The following ZNF197 variants were observed in gnomAD, a reference collection of about 807,000 sequenced individuals.
The protein encoded by ZNF197 is zinc finger protein 197.
A neutral mutation model predicts 27.4 loss-of-function variants in ZNF197; 14 were observed. The observed-to-expected ratio is 0.51, with a 90% CI of 0.34 to 0.80. The LOEUF (loss-of-function observed/expected upper bound fraction) is 0.80. Ranked by LOEUF, ZNF197 falls within the 30% of genes least tolerant of loss-of-function variation. ZNF197 has a pLI of 0.02. For missense variants in ZNF197, 1,090 were observed against 1,222.6 expected, an observed-to-expected ratio of 0.89 and a Z score of 1.62; for synonymous variants, 415 against 420.0, an observed-to-expected ratio of 0.99 and a Z score of 0.15.
chr3:44,625,114 G>C lies in ZNF197; in HGVS notation c.-111G>C, dbSNP rs13100959. On this transcript the variant is annotated 5_prime_UTR_variant, in exon 1 of 6. Coordinates refer to ENST00000344387, the MANE Select transcript of ZNF197 (RefSeq NM_006991.5). ...CGGCCTGGCGCCGAGGCGGCGGTAC[G>C]CAAGGCTGGAGCCGCAGCGGGAGCC... 0.29 allele frequency: 44,783 copies of C among 152,170 alleles called. 7,163 individuals are homozygous for C. The highest frequency in any genetic ancestry group is 0.34 in the African/African-American group (14,050 of 41,496). The allele number at this position is 152,170 out of a possible 1,614,324, so 9.4% of individuals were successfully genotyped here. A position where few individuals can be genotyped will look rare whatever the true frequency, so the allele number is the denominator to read the frequency against.
In ZNF197 at chr3:44,645,651, G is replaced by T. The variant is rs569721221; in HGVS notation, c.*1431G>T. Reference sequence around the variant, plus strand: ...AAAATCCTTGACCCGCAGTTGAGCTGATGATCCCTGCCACAGTCATTGTGA... The same window carrying T: ...AAAATCCTTGACCCGCAGTTGAGCTTATGATCCCTGCCACAGTCATTGTGA... On this transcript the variant is annotated 3_prime_UTR_variant, in exon 6 of 6. Transcript: ENST00000344387. 2.7e-4 allele frequency: 267 copies of T among 985,402 alleles called. 3 individuals are homozygous for T. In the South Asian group the frequency reaches 0.011, roughly 41 times the overall value. 61.0% of individuals were successfully genotyped at this position (985,402 alleles called of 1,614,324 possible). A position where few individuals can be genotyped will look rare whatever the true frequency, so the allele number is the denominator to read the frequency against.
rs1386219752 is a variant in ZNF197 at position 44,640,338 on chromosome 3, C to G, written c.770-1562C>G. 6.6e-6 allele frequency among the ~76,000 whole-genome samples: 1 copy of G among 152,112 alleles called. No homozygotes were observed. Among genetic ancestry groups the G allele is most frequent in the Non-Finnish European group, 1.5e-5 (1 of 68,028 alleles). On this transcript the variant is annotated intron_variant, in intron 5 of 5. Coordinates refer to ENST00000344387, the MANE Select transcript of ZNF197 (RefSeq NM_006991.5). This position sits in a 1 kb window ranked among gnomAD's most constrained non-coding sequence, Gnocchi z 4.0. The stretch of plus-strand genomic sequence containing the variant: ...GAAATGTTTCATTATATAGAAGCAG[C>G]CCTCCTCTCCATCAGCATTCTCTTT...
At chr3:44,632,416 C>A in intron 4 of ZNF197, 57 bp from the exon 5 acceptor site, 1 of 1,544,546 alleles carries the variant, frequency 6.5e-7, no homozygotes, top group African/African-American at 1.4e-5. Flanking sequence ...GTGAAGGGAA[C>A]CTTTCGACAG....
chr3:44,642,731 G>C lies in ZNF197; in HGVS notation c.1601G>C (p.Gly534Ala), dbSNP rs775212401. The C allele has an allele frequency of 6.2e-7, 1 of 1,613,762 alleles. No homozygotes were observed. The highest frequency in any genetic ancestry group is 1.1e-5 in the South Asian group (1 of 91,066). Residue 534 changes from glycine (G) to alanine (A), a missense_variant, in exon 6 of 6, where the codon GGG (glycine) becomes GCG (alanine). Physicochemically the swap from Gly to Ala is moderately conservative, Grantham distance 60 (BLOSUM62 0). Transcript: ENST00000344387. ...ATTCTGCACCAGAGAATCCACTCTG[G>C]GGAAAAACCCTATAAATGTGATGAA... ...SLILHQRIHS[G>A]EKPYKCDECG... is the part of the protein sequence containing the mutation.
intron 2 of ZNF197, among the ~76,000 whole-genome samples, chr3:44,630,544 A>G (rs1034258860): frequency 7.9e-5 from 12 of 152,192 alleles, no homozygotes; most frequent in African/African-American, 2.9e-4. Context: ...AGAGCTATAT[A>G]TTTCGTTACA....
chr3:44,634,476 G>A (rs957915719), intron 5 of ZNF197, among the ~76,000 whole-genome samples: 1 of 151,306 alleles, frequency 6.6e-6, no homozygotes, highest in African/African-American at 2.4e-5. Flanking sequence ...TTGAGATGGA[G>A]TTTCCACTTG....
rs1702534566 is a variant in ZNF197, at chr3:44,640,413, T to C, written c.770-1487T>C. 6.6e-6 allele frequency among the ~76,000 whole-genome samples: 1 copy of C among 152,210 alleles called. No homozygotes were observed. The highest frequency in any genetic ancestry group is 2.4e-5 in the African/African-American group (1 of 41,470). On this transcript the variant is annotated intron_variant, in intron 5 of 5. Coordinates refer to ENST00000344387, the MANE Select transcript of ZNF197 (RefSeq NM_006991.5). The surrounding 1 kb of genome is among the most constrained non-coding windows in gnomAD (Gnocchi z 4.0). ...TTTGTTTTGAGATGGAGTCTTGCTC[T>C]GTCACCCAGGCTGGAATGCAGTGGT...
rs1559479961 is a variant in ZNF197 at position 44,646,687 on chromosome 3, G to C, written c.*2467G>C. ...GTTTATTATACCATTCTCTGCTTTT[G>C]TGTATGTATGAAAATTTCGATATGA... On this transcript the variant is annotated 3_prime_UTR_variant, in exon 6 of 6. Transcript: ENST00000344387. 1 of 565,078 alleles carries C rather than the reference G, an allele frequency of 1.8e-6. No homozygotes were observed. The highest frequency in any genetic ancestry group is 1.9e-5 in the African/African-American group (1 of 52,434). 35.0% of individuals were successfully genotyped at this position (565,078 alleles called of 1,614,324 possible).
chr3:44,633,523 A>G (rs882450), intron 5 of ZNF197, among the ~76,000 whole-genome samples: 41,259 of 152,222 alleles, frequency 0.27, 6,108 homozygotes, highest in Non-Finnish European at 0.32. Context: ...GGTAGCATTT[A>G]TACTGGAACT....
intron 3 of ZNF197, 63 bp from the exon 4 acceptor site, chr3:44,632,042 T>G: frequency 1.4e-6 from 2 of 1,429,354 alleles, no homozygotes; most frequent in Non-Finnish European, 9.9e-7. Flanking sequence ...ATTCCAGCTC[T>G]GCAAGTGGGG....
At chr3:44,630,775 T>A (rs758223527) in intron 2 of ZNF197, 1 of 553,470 alleles carries the variant, frequency 1.8e-6, no homozygotes, top group South Asian at 1.6e-5. Flanking sequence ...TCTTAATTAC[T>A]GCTTATTACT....
intron 2 of ZNF197, 62 bp downstream of exon 2, chr3:44,629,606 G>C: frequency 6.7e-7 from 1 of 1,494,654 alleles, no homozygotes; most frequent in African/African-American, 1.4e-5. Flanking sequence ...ATTGAGGCTA[G>C]GCTAGAGGGT....
At chr3:44,626,185 C>T (rs756534063) in intron 1 of ZNF197, among the ~76,000 whole-genome samples, 6 of 152,118 alleles carry the variant, frequency 3.9e-5, no homozygotes, top group African/African-American at 7.2e-5. Flanking sequence ...TTACCAAGGA[C>T]TACCAAGTTT....
Position 44,648,311 on chromosome 3 carries a change from A to G in ZNF197, c.*4091A>G, listed in dbSNP as rs937703470. The G allele has an allele frequency of 2.6e-5, 4 of 152,198 alleles. No homozygotes were observed. Among genetic ancestry groups the G allele is most frequent in the Non-Finnish European group, 5.9e-5 (4 of 68,044 alleles). The allele number at this position is 152,198 out of a possible 1,614,324, so 9.4% of individuals were successfully genotyped here. A position where few individuals can be genotyped will look rare whatever the true frequency, so the allele number is the denominator to read the frequency against. On this transcript the variant is annotated 3_prime_UTR_variant, in exon 6 of 6. Coordinates refer to ENST00000344387, the MANE Select transcript of ZNF197 (RefSeq NM_006991.5). ...GGAATGAAGTGTTCTGATGTTTACA[A>G]CTTTCAAAAAAATGATTTTAAATAT...
At chr3:44,631,563 G>T (rs1224479690) in intron 3 of ZNF197, among the ~76,000 whole-genome samples, 1 of 151,916 alleles carries the variant, frequency 6.6e-6, no homozygotes, top group Non-Finnish European at 1.5e-5. Context: ...ACTGTGCCCG[G>T]CTAGTTTTTT....
In ZNF197 at chr3:44,628,317, C is replaced by G. The variant is rs541327357; in HGVS notation, c.-81-757C>G. Among the ~76,000 whole-genome samples, 7 of 152,240 alleles carry G rather than the reference C, an allele frequency of 4.6e-5. No individual in the cohort carries two copies. The East Asian group carries it at 1.2e-3, about 25-fold the overall frequency. Reference sequence around the variant, plus strand: ...TAAAGAGCAGATGATTTCTAGAGAGCAAGTCTAAGTTCTGTATAATAAAAC... The same window carrying G: ...TAAAGAGCAGATGATTTCTAGAGAGGAAGTCTAAGTTCTGTATAATAAAAC... On this transcript the variant is annotated intron_variant, in intron 1 of 5. Coordinates refer to ENST00000344387, the MANE Select transcript of ZNF197 (RefSeq NM_006991.5).
Position 44,643,405 on chromosome 3 carries a change from GA to G in ZNF197, c.2280del (p.Lys760AsnfsTer42). 6.2e-7 allele frequency: 1 copy of G among 1,614,196 alleles called. No homozygotes were observed. Among genetic ancestry groups the G allele is most frequent in the Non-Finnish European group, 8.5e-7 (1 of 1,180,042 alleles). On this transcript the variant is annotated frameshift_variant, in exon 6 of 6. Coordinates refer to ENST00000344387, the MANE Select transcript of ZNF197 (RefSeq NM_006991.5). LOFTEE classifies it low-confidence loss of function (END_TRUNC). The part of the protein sequence containing the change: ...LLVHRRIHTG[E>X]KPFECSECGR... ...TGTACATCGGAGAATCCACACCGGA[GA>G]AAAACCCTTTGAATGCAGTGAGTGT... is the stretch of plus-strand genomic sequence containing the variant.
Position 44,643,394 on chromosome 3 carries a change from T to G in ZNF197, c.2264T>G (p.Ile755Ser). 6.2e-7 allele frequency: 1 copy of G among 1,614,196 alleles called. No homozygotes were observed. The highest frequency in any genetic ancestry group is 1.1e-5 in the South Asian group (1 of 91,080). Residue 755 changes from isoleucine (I) to serine (S), a missense_variant, in exon 6 of 6, where the codon ATC becomes AGC. Physicochemically the swap from Ile to Ser is moderately radical, Grantham distance 142. Coordinates refer to ENST00000344387, the MANE Select transcript of ZNF197 (RefSeq NM_006991.5). Reference sequence around the variant, plus strand: ...TCAAGCCTGCTTGTACATCGGAGAATCCACACCGGAGAAAAACCCTTTGAA... The same window carrying G: ...TCAAGCCTGCTTGTACATCGGAGAAGCCACACCGGAGAAAAACCCTTTGAA... ...YNSSLLVHRR[I>S]HTGEKPFECS... is the part of the protein sequence containing the mutation.
intron 2 of ZNF197, among the ~76,000 whole-genome samples, chr3:44,629,784 T>C (rs1701879324): frequency 1.3e-5 from 2 of 152,256 alleles, no homozygotes; most frequent in South Asian, 4.1e-4. Flanking sequence ...AAACATTGAC[T>C]GTTTTGTCCC....
Sources: gnomAD v4.1 joint callset for allele counts (sites outside exome capture counted in the v4.1 genomes callset) on GRCh38, gnomAD v4.1.1 for gene constraint, Gnocchi (gnomAD v3.1) non-coding constraint, MANE v1.5 for transcripts, NCBI Gene and HGNC (gene_info 2026-07-23, HGNC 2026-07-21) for gene names.